ZNF618: variants seen among roughly 807,000 people sequenced by gnomAD.
ZNF618 encodes the protein zinc finger protein 618, also known as neural precursor cell expressed, developmentally down-regulated 10.
A neutral mutation model predicts 103.0 loss-of-function variants in ZNF618; 34 were observed. The ratio of observed to expected loss-of-function variants is 0.33; its 90% CI spans 0.25 to 0.44. The LOEUF (loss-of-function observed/expected upper bound fraction) is 0.44, where lower values mean the gene tolerates loss of function less well. Ranked by LOEUF, ZNF618 falls within the 20% of genes least tolerant of loss-of-function variation. ZNF618 has a pLI of 1.00. For synonymous variants in ZNF618, 551 were observed against 542.2 expected (o/e 1.02, Z -0.23); for missense variants, 1,059 against 1,295.4 (o/e 0.82, Z 2.80).
intron 1 of ZNF618, among the ~76,000 whole-genome samples, chr9:113,886,063 C>G (rs113945957): frequency 0.036 from 5,498 of 152,150 alleles, 94 homozygotes; most frequent in African/African-American, 0.046. Flanking sequence ...TGGGTGAGGA[C>G]CCAGGGAGGA....
intron 1 of ZNF618, among the ~76,000 whole-genome samples, chr9:113,943,515 A>G (rs1834735619): frequency 6.6e-6 from 1 of 151,678 alleles, no homozygotes; most frequent in South Asian, 2.1e-4. Context: ...ATCCCATCTC[A>G]GGAAAGCAGT....
chr9:113,911,879 C>A (rs1455040456), intron 1 of ZNF618, among the ~76,000 whole-genome samples: 1 of 152,102 alleles, frequency 6.6e-6, no homozygotes, highest in Non-Finnish European at 1.5e-5. Flanking sequence ...TAAGTGAATT[C>A]ATTTTCATGT....
chr9:113,889,376 C>G (rs1256133519), intron 1 of ZNF618, among the ~76,000 whole-genome samples: 1 of 150,192 alleles, frequency 6.7e-6, no homozygotes, highest in African/African-American at 2.4e-5. Context: ...TGTGTGGTCT[C>G]TCCAGCATAG....
At chr9:113,963,339 A>G (rs77828222) in intron 1 of ZNF618, among the ~76,000 whole-genome samples, 3,351 of 152,366 alleles carry the variant, frequency 0.022, 89 homozygotes, top group East Asian at 0.069. Flanking sequence ...ATAAAAATAT[A>G]TGAAATATGT....
chr9:113,891,781 T>A (rs1465313545), intron 1 of ZNF618, among the ~76,000 whole-genome samples: 2 of 152,216 alleles, frequency 1.3e-5, no homozygotes, highest in Non-Finnish European at 2.9e-5. Context: ...TGAAGAATAT[T>A]CTGTTATTAA....
At chr9:113,903,461 A>G (rs1382686547) in intron 1 of ZNF618, among the ~76,000 whole-genome samples, 1 of 148,824 alleles carries the variant, frequency 6.7e-6, no homozygotes, top group Non-Finnish European at 1.5e-5. Context: ...GTTAGCCCCA[A>G]TAAATCTGCC....
chr9:113,985,912 G>T (rs1839431640), intron 2 of ZNF618, among the ~76,000 whole-genome samples: 1 of 152,206 alleles, frequency 6.6e-6, no homozygotes, highest in African/African-American at 2.4e-5. Context: ...CGGGCACATA[G>T]GAGGCTCTGT....
At chr9:113,975,196 A>G (rs758432266) in intron 2 of ZNF618, among the ~76,000 whole-genome samples, 2 of 152,034 alleles carry the variant, frequency 1.3e-5, no homozygotes, top group Non-Finnish European at 2.9e-5. Flanking sequence ...CCATGATCCA[A>G]ATATGTGTCT....
intron 1 of ZNF618, among the ~76,000 whole-genome samples, chr9:113,907,862 T>G (rs7038501): frequency 0.62 from 94,370 of 152,018 alleles, 29,615 homozygotes; most frequent in Admixed American, 0.68. Context: ...ATCCTGATTT[T>G]AGGATTCCCC....
rs557901593 is a variant in ZNF618, at chr9:113,972,518, T to C, written c.77+3358T>C. Among the ~76,000 whole-genome samples the C allele has an allele frequency of 7.2e-5, 11 of 151,972 alleles. No homozygotes were observed. In the South Asian group the frequency reaches 1.5e-3, roughly 20 times the overall value. ...GAAGTCTACCTGAGTCTGACTTCTG[T>C]GATGCACTTACTCACCACGCCCTCC... On this transcript the variant is annotated intron_variant, in intron 2 of 14. Coordinates refer to ENST00000374126, the MANE Select transcript of ZNF618 (RefSeq NM_001318042.2).
intron 1 of ZNF618, among the ~76,000 whole-genome samples, chr9:113,940,777 A>G (rs1385632613): frequency 6.6e-6 from 1 of 152,174 alleles, no homozygotes; most frequent in South Asian, 2.1e-4. Flanking sequence ...CGTCATTGAT[A>G]ACATCTGGCA....
chr9:114,014,854 G>A (rs1293798235), intron 9 of ZNF618, among the ~76,000 whole-genome samples: 3 of 152,092 alleles, frequency 2.0e-5, no homozygotes, highest in Admixed American at 2.0e-4. Context: ...CTGGTCCAGG[G>A]ACCGCACTTT....
chr9:114,007,431 C>A lies in ZNF618; in HGVS notation c.632C>A (p.Ala211Glu), dbSNP rs892341098. The A allele has an allele frequency of 1.9e-6, 3 of 1,613,434 alleles. No individual in the cohort carries two copies. Among genetic ancestry groups the A allele is most frequent in the Non-Finnish European group, 2.5e-6 (3 of 1,179,796 alleles). ...SCFQEHRDLH[A>E]VDVFSVEGAP... ...TTCCAAGAGCACCGAGACCTGCACG[C>A]AGTGGATGGTGAGTCAGGCCCCTCA... Residue 211 changes from alanine to glutamate, a missense_variant, in exon 7 of 15, where the codon GCA (alanine) becomes GAA (glutamate). Ala to Glu is a moderately radical substitution (Grantham distance 107). Around this residue, in one of 6 missense-constraint regions of ZNF618, gnomAD observed 434 missense variants for 476.0 expected, o/e 0.91. Transcript: ENST00000374126.
In ZNF618 at chr9:114,052,269, A is replaced by G. The variant is rs541957782; in HGVS notation, c.*2102A>G. 1 of 152,778 alleles carries G rather than the reference A, an allele frequency of 6.5e-6. No homozygotes were observed. Among genetic ancestry groups the G allele is most frequent in the East Asian group, 1.9e-4 (1 of 5,186 alleles). The allele number at this position is 152,778 out of a possible 1,614,324, so 9.5% of individuals were successfully genotyped here. On this transcript the variant is annotated 3_prime_UTR_variant, in exon 15 of 15. Transcript: ENST00000374126. The stretch of plus-strand genomic sequence containing the variant: ...CCAGCTCTCCCCTTGAAACTTGGAC[A>G]CACTGAAATGGATCAAAGTGGGCCA...
At chr9:114,013,845 T>C (rs775784974) in intron 9 of ZNF618, among the ~76,000 whole-genome samples, 7 of 152,206 alleles carry the variant, frequency 4.6e-5, no homozygotes, top group Non-Finnish European at 7.3e-5. Flanking sequence ...TCCTGGAAGC[T>C]TATTAGAAAT....
At position 114,004,704 on chromosome 9, in the gene ZNF618, C is replaced by T. The variant is rs183599034; in HGVS notation, c.550+2042C>T. Among the ~76,000 whole-genome samples the T allele has an allele frequency of 1.0e-3, 152 of 152,326 alleles. No homozygotes were observed. The Middle Eastern group carries it at 0.027, about 27-fold the overall frequency. ...CCAGACTGGCAGCACCTGCTTAGAA[C>T]GCCTGGCCTCCACTTACAGAAGCCT... On this transcript the variant is annotated intron_variant, in intron 6 of 14. Coordinates refer to ENST00000374126, the MANE Select transcript of ZNF618 (RefSeq NM_001318042.2).
intron 1 of ZNF618, among the ~76,000 whole-genome samples, chr9:113,945,623 C>T (rs920269375): frequency 6.6e-6 from 1 of 152,162 alleles, no homozygotes; most frequent in Non-Finnish European, 1.5e-5. Context: ...GGATCCAGAC[C>T]CCTAACAGTG....
intron 2 of ZNF618, among the ~76,000 whole-genome samples, chr9:113,985,976 G>T (rs537994565): frequency 6.6e-6 from 1 of 152,216 alleles, no homozygotes; most frequent in South Asian, 2.1e-4. Flanking sequence ...ATTGAATCAT[G>T]CAGTTTTACA....
intron 2 of ZNF618, among the ~76,000 whole-genome samples, chr9:113,983,620 C>T (rs1404574740): frequency 6.6e-6 from 1 of 152,172 alleles, no homozygotes; most frequent in Non-Finnish European, 1.5e-5. Flanking sequence ...GATGTGGGTA[C>T]AAGAACTAGG....
Sources: allele counts gnomAD v4.1 joint callset (sites outside exome capture counted in the v4.1 genomes callset), GRCh38; gene constraint gnomAD v4.1.1; regional missense constraint gnomAD v4.1.1; transcripts MANE v1.5; gene names NCBI Gene and HGNC (gene_info 2026-07-23, HGNC 2026-07-21).